The following USP22 variants were observed in gnomAD, a reference collection of about 807,000 sequenced individuals.
USP22 encodes ubiquitin carboxyl-terminal hydrolase 22.
In USP22, 22 loss-of-function variants were observed where a neutral mutation model predicts 68.1. The observed-to-expected ratio is 0.32, with a 90% CI of 0.23 to 0.46. The LOEUF (loss-of-function observed/expected upper bound fraction) is 0.46, where lower values mean the gene tolerates loss of function less well. USP22 is among the 20% of genes least tolerant of loss of function. USP22 has a pLI of 1.00. For missense variants in USP22, 433 were observed against 695.8 expected, an observed-to-expected ratio of 0.62 and a Z score of 4.25; for synonymous variants, 279 against 274.2, an observed-to-expected ratio of 1.02 and a Z score of -0.17.
chr17:21,036,027 T>A (rs1455051676), intron 1 of USP22, among the ~76,000 whole-genome samples: 2 of 66,216 alleles, frequency 3.0e-5, no homozygotes, highest in Non-Finnish European at 4.9e-5. Context: ...CAAGACTCCG[T>A]CTCAAAAAAA....
At chr17:21,027,810 A>G (rs975086082) in intron 2 of USP22, among the ~76,000 whole-genome samples, 7 of 152,122 alleles carry the variant, frequency 4.6e-5, no homozygotes, top group Non-Finnish European at 7.3e-5. Flanking sequence ...TCTCTACTAA[A>G]AATACAAAAA....
At chr17:21,041,160 G>T (rs941726924) in intron 1 of USP22, among the ~76,000 whole-genome samples, 1 of 151,966 alleles carries the variant, frequency 6.6e-6, no homozygotes, top group African/African-American at 2.4e-5. Flanking sequence ...TGGGATTACA[G>T]GCGTCAGCCA....
At chr17:21,037,879 CAAG>C (rs896219782) in intron 1 of USP22, among the ~76,000 whole-genome samples, 12 of 152,126 alleles carry the variant, frequency 7.9e-5, no homozygotes. Flanking sequence ...TCCATTTCTG[CAAG>C]AAGTTACCCT....
intron 2 of USP22, among the ~76,000 whole-genome samples, chr17:21,025,857 G>C (rs1426505912): frequency 1.3e-5 from 2 of 152,214 alleles, no homozygotes; most frequent in Non-Finnish European, 2.9e-5. Context: ...AACAGGCAGT[G>C]ATCTGTTAAC....
chr17:21,029,625 G>A (rs957172297), intron 1 of USP22, among the ~76,000 whole-genome samples: 4 of 152,282 alleles, frequency 2.6e-5, no homozygotes, highest in Non-Finnish European at 5.9e-5. Flanking sequence ...GAAAATAGTA[G>A]AAAAGGTCCA....
intron 10 of USP22, among the ~76,000 whole-genome samples, chr17:21,005,746 G>C (rs1913757578): frequency 6.6e-6 from 1 of 152,190 alleles, no homozygotes; most frequent in Non-Finnish European, 1.5e-5. Flanking sequence ...CTGGGGCTGG[G>C]ACTGTGGCCA....
chr17:21,043,302 C>CCCCCCCCCCCCCCCCCCG (rs1567596616), upstream of USP22: 1 of 47,548 alleles, frequency 2.1e-5, no homozygotes, highest in Non-Finnish European at 5.9e-5. Flanking sequence ...GTAGGCCACC[C>CCCCCCCCCCCCCCCCCCG]CCCCCCCCCC....
At position 21,002,674 on chromosome 17, in the gene USP22, T is replaced by G. The variant is rs1370999928; in HGVS notation, c.*357A>C. The G allele has an allele frequency of 3.2e-6, 1 of 312,742 alleles. No homozygotes were observed. Among genetic ancestry groups the G allele is most frequent in the Admixed American group, 4.3e-5 (1 of 23,214 alleles). The allele number at this position is 312,742 out of a possible 1,614,324, so 19.4% of individuals were successfully genotyped here. A position where few individuals can be genotyped will look rare whatever the true frequency, so the allele number is the denominator to read the frequency against. On this transcript the variant is annotated 3_prime_UTR_variant, in exon 13 of 13. Transcript: ENST00000261497. ...ATAATCTTACAGCAGGTAGGGGCCT[T>G]TCCACACCGAGTGCTGGGGAACGCC...
rs747593114 is a variant in USP22, at chr17:21,015,804, G to A, written c.786C>T (p.Asp262=). 18 of 1,613,840 alleles carry A rather than the reference G, an allele frequency of 1.1e-5. No homozygotes were observed. In the Admixed American group the frequency reaches 1.7e-4, roughly 15 times the overall value. The change falls in exon 6 of 13, where the codon GAC becomes GAT. Residue 262 remains aspartate, a synonymous_variant. Transcript: ENST00000261497. The part of the protein sequence containing the change: ...ARHLAGYEQQ[D]AHEFLIAALD... Reference sequence around the variant, plus strand: ...GGGCCGCGATGAGGAACTCGTGGGCGTCCTGCTGCTCGTAGCCTGCTAGGT... The same window carrying A: ...GGGCCGCGATGAGGAACTCGTGGGCATCCTGCTGCTCGTAGCCTGCTAGGT...
intron 2 of USP22, among the ~76,000 whole-genome samples, chr17:21,023,639 T>C (rs1169661135): frequency 1.2e-5 from 1 of 86,296 alleles, no homozygotes; most frequent in African/African-American, 4.3e-5. Flanking sequence ...TGCCAGACTA[T>C]GTCTCAAAAA....
At chr17:21,010,796 GTGGACCA>G (rs1567791361) in intron 8 of USP22, among the ~76,000 whole-genome samples, 1 of 152,058 alleles carries the variant, frequency 6.6e-6, no homozygotes, top group Non-Finnish European at 1.5e-5. Context: ...AGAGAAGGCC[GTGGACCA>G]TGGGGAGAGG....
chr17:21,039,315 T>C (rs1972397587), intron 1 of USP22, among the ~76,000 whole-genome samples: 2 of 150,704 alleles, frequency 1.3e-5, no homozygotes, highest in Admixed American at 6.6e-5. Context: ...CGGTGGCTCA[T>C]GCCTGTAATC....
intron 1 of USP22, among the ~76,000 whole-genome samples, chr17:21,034,084 G>A (rs1302400573): frequency 6.6e-6 from 1 of 151,586 alleles, no homozygotes; most frequent in East Asian, 1.9e-4. Flanking sequence ...AAAAAAATAC[G>A]GCACTAAAAA....
intron 1 of USP22, among the ~76,000 whole-genome samples, chr17:21,032,575 T>C (rs1597700531): frequency 6.6e-6 from 1 of 152,188 alleles, no homozygotes; most frequent in African/African-American, 2.4e-5. Context: ...TGGTGGTTTG[T>C]TACAGCAGGC....
chr17:21,023,717 C>T (rs577143727), intron 2 of USP22, among the ~76,000 whole-genome samples: 7 of 151,390 alleles, frequency 4.6e-5, no homozygotes, highest in Non-Finnish European at 1.0e-4. Flanking sequence ...CGGGAGGCAG[C>T]GAAGCACAGA....
chr17:21,041,446 A>G (rs1175891758), intron 1 of USP22, among the ~76,000 whole-genome samples: 1 of 151,936 alleles, frequency 6.6e-6, no homozygotes, highest in Non-Finnish European at 1.5e-5. Flanking sequence ...AAAAATACAA[A>G]AATTAGCCGG....
At chr17:21,008,809 G>T (rs765299327) in intron 8 of USP22, among the ~76,000 whole-genome samples, 2 of 152,052 alleles carry the variant, frequency 1.3e-5, no homozygotes, top group Non-Finnish European at 2.9e-5. Context: ...GTGAGAGGTC[G>T]GCCAGGTGCG....
chr17:21,003,285 C>A (rs552771956), intron 12 of USP22, among the ~76,000 whole-genome samples: 27 of 152,300 alleles, frequency 1.8e-4, no homozygotes, highest in Admixed American at 1.8e-3. Flanking sequence ...CCGACCACCA[C>A]CCCCACCTGC....
At chr17:21,009,176 G>C (rs529881487) in intron 8 of USP22, among the ~76,000 whole-genome samples, 8 of 151,566 alleles carry the variant, frequency 5.3e-5, no homozygotes, top group African/African-American at 1.7e-4. Context: ...TAGGAGGGCT[G>C]CATCAGAAGC....
Sources: allele counts gnomAD v4.1 joint callset (sites outside exome capture counted in the v4.1 genomes callset), GRCh38; gene constraint gnomAD v4.1.1; transcripts MANE v1.5; gene names NCBI Gene and HGNC (gene_info 2026-07-23, HGNC 2026-07-21).